The following SLC7A2 variants were observed in gnomAD, a reference collection of about 807,000 sequenced individuals.
SLC7A2 encodes the protein cationic amino acid transporter 2.
A neutral mutation model predicts 58.9 loss-of-function variants in SLC7A2; 48 were observed. That is an observed-to-expected ratio of 0.82 (90% CI 0.65 to 1.04). The LOEUF (loss-of-function observed/expected upper bound fraction) is 1.04. Among genes scored for constraint, SLC7A2 ranks in the 50% least tolerant of loss-of-function variants. The probability of loss-of-function intolerance (pLI) is 0.00; values close to 1 mark genes in which losing one functional copy is unlikely to be tolerated. For missense variants in SLC7A2, 1,029 were observed against 818.8 expected, an observed-to-expected ratio of 1.26 and a Z score of -3.13; for synonymous variants, 363 against 314.5, an observed-to-expected ratio of 1.15 and a Z score of -1.63.
In SLC7A2 at chr8:17,568,413, C is replaced by T. The variant is rs866098196; in HGVS notation, c.*3267C>T. 1 of 151,900 alleles carries T rather than the reference C, an allele frequency of 6.6e-6. No individual in the cohort carries two copies. Among genetic ancestry groups the T allele is most frequent in the African/African-American group, 2.4e-5 (1 of 41,320 alleles). The allele number at this position is 151,900 out of a possible 1,614,324, so 9.4% of individuals were successfully genotyped here. A position where few individuals can be genotyped will look rare whatever the true frequency, so the allele number is the denominator to read the frequency against. Reference sequence around the variant, plus strand: ...TAATCACATTTTCCCCAGAGATAAACATTGAGAGAACGAAAGCCAAAGTGT... The same window carrying T: ...TAATCACATTTTCCCCAGAGATAAATATTGAGAGAACGAAAGCCAAAGTGT... On this transcript the variant is annotated 3_prime_UTR_variant, in exon 13 of 13. Transcript: ENST00000494857.
chr8:17,525,095 C>G (rs1291389983), intron 2 of SLC7A2, among the ~76,000 whole-genome samples: 1 of 152,114 alleles, frequency 6.6e-6, no homozygotes, highest in African/African-American at 2.4e-5. Flanking sequence ...TTAAAAGGAT[C>G]CTTTCAGCCC....
intron 2 of SLC7A2, among the ~76,000 whole-genome samples, chr8:17,505,392 C>A (rs574524441): frequency 6.6e-6 from 1 of 152,264 alleles, no homozygotes; most frequent in East Asian, 1.9e-4. Flanking sequence ...CAAGTTGGGG[C>A]TGAGAACTGG....
chr8:17,547,352 TG>T (rs1177520070), intron 4 of SLC7A2, among the ~76,000 whole-genome samples: 2 of 152,076 alleles, frequency 1.3e-5, no homozygotes, highest in Admixed American at 6.6e-5. Flanking sequence ...ACAGAAAACC[TG>T]CCCCCATGAT....
At position 17,561,959 on chromosome 8, in the gene SLC7A2, G is replaced by A; in HGVS notation, c.1520G>A (p.Gly507Asp). The change falls in exon 11 of 13, where the codon GGC becomes GAC. Residue 507 changes from glycine (G) to aspartate (D), a missense_variant. By Grantham distance (94) the Gly-to-Asp change is moderately conservative. Transcript: ENST00000494857. ...LVGFLAFLVLGLSVLTTYGVH... is the reference protein window; with the variant it reads ...LVGFLAFLVLDLSVLTTYGVH... ...CCCCCTGCAGCTTTCCTCGTGTTGG[G>A]CCTGAGTGTCTTGACCACTTACGGA... 6.2e-7 allele frequency: 1 copy of A among 1,614,070 alleles called. No individual in the cohort carries two copies. Among genetic ancestry groups the A allele is most frequent in the Non-Finnish European group, 8.5e-7 (1 of 1,180,030 alleles).
intron 2 of SLC7A2, among the ~76,000 whole-genome samples, chr8:17,523,029 T>A (rs7015527): frequency 0.15 from 22,961 of 151,930 alleles, 2,004 homozygotes; most frequent in East Asian, 0.3. Flanking sequence ...AGGGAGACCC[T>A]GTATCAAAAA....
At chr8:17,497,051 C>A (rs1328902767), upstream of SLC7A2, 1 of 150,734 alleles carries the variant, frequency 6.6e-6, no homozygotes, top group South Asian at 2.1e-4. Context: ...GCCCCCGCCC[C>A]GGGTGGCTAC....
intron 2 of SLC7A2, among the ~76,000 whole-genome samples, chr8:17,527,420 C>T (rs966632833): frequency 4.6e-5 from 7 of 152,102 alleles, no homozygotes; most frequent in African/African-American, 1.4e-4. Context: ...ATATAGACCT[C>T]GATTTCAAGA....
At chr8:17,525,556 C>T (rs975443945) in intron 2 of SLC7A2, among the ~76,000 whole-genome samples, 1 of 152,154 alleles carries the variant, frequency 6.6e-6, no homozygotes, top group African/African-American at 2.4e-5. Context: ...AGTGGCGAGT[C>T]CTGAGGGAGG....
At chr8:17,545,353 C>G (rs974967052) in intron 4 of SLC7A2, among the ~76,000 whole-genome samples, 3 of 150,482 alleles carry the variant, frequency 2.0e-5, no homozygotes, top group African/African-American at 7.3e-5. Flanking sequence ...ATAGGCATAG[C>G]TAATCCCTGC....
chr8:17,562,180 A>ATTTTTTTTTTTTTTTTTTTTTTTTTTT (rs200130071), intron 11 of SLC7A2, 70 bp downstream of exon 11: 4 of 547,486 alleles, frequency 7.3e-6, no homozygotes, highest in African/African-American at 7.7e-5. Context: ...TTTGGTAAGT[A>ATTTTTTTTTTTTTTTTTTTTTTTTTTT]TTTTTTTTTT....
intron 5 of SLC7A2, among the ~76,000 whole-genome samples, chr8:17,549,647 A>G (rs1237299472): frequency 6.6e-6 from 1 of 152,078 alleles, no homozygotes; most frequent in East Asian, 1.9e-4. Flanking sequence ...TGTTTTTTGG[A>G]GAATGTTGTT....
At chr8:17,527,115 G>T (rs1801251347) in intron 2 of SLC7A2, among the ~76,000 whole-genome samples, 1 of 152,128 alleles carries the variant, frequency 6.6e-6, no homozygotes, top group Non-Finnish European at 1.5e-5. Context: ...AATTTGCAGT[G>T]ATACACAGGT....
At position 17,550,235 on chromosome 8, in the gene SLC7A2, G is replaced by T. The variant is rs567361499; in HGVS notation, c.699-66G>T. 1.5e-5 allele frequency: 22 copies of T among 1,513,410 alleles called. 1 individual carries two copies. In the African/African-American group the frequency reaches 1.8e-4, roughly 12 times the overall value. The allele number at this position is 1,513,410 out of a possible 1,614,324, so 93.7% of individuals were successfully genotyped here. A position where few individuals can be genotyped will look rare whatever the true frequency, so the allele number is the denominator to read the frequency against. ...ACCACCTTCCAAGGATATAGTCTGA[G>T]AAAAGTCACCAGAAGGAGAGTTTTC... is the stretch of plus-strand genomic sequence containing the variant. On this transcript the variant is annotated intron_variant, in intron 5 of 12. Coordinates refer to ENST00000494857, the MANE Select transcript of SLC7A2 (RefSeq NM_001370338.1).
At chr8:17,522,537 T>A (rs1329907607) in intron 2 of SLC7A2, among the ~76,000 whole-genome samples, 4 of 152,144 alleles carry the variant, frequency 2.6e-5, no homozygotes, top group African/African-American at 4.8e-5. Context: ...ATTCTTACTA[T>A]ATTTTATCAC....
chr8:17,521,720 A>G (rs1003443303), intron 2 of SLC7A2, among the ~76,000 whole-genome samples: 2 of 152,230 alleles, frequency 1.3e-5, no homozygotes, highest in African/African-American at 2.4e-5. Flanking sequence ...GCCAAGGAGG[A>G]AATCTCAAGA....
chr8:17,518,068 G>A (rs1405354549), intron 2 of SLC7A2, among the ~76,000 whole-genome samples: 1 of 152,100 alleles, frequency 6.6e-6, no homozygotes, highest in East Asian at 1.9e-4. Context: ...TAATAGGAAA[G>A]CAATGAATCG....
intron 10 of SLC7A2, among the ~76,000 whole-genome samples, 160 bp from the exon 11 acceptor site, chr8:17,561,784 T>A (rs1803000675): frequency 6.6e-6 from 1 of 152,164 alleles, no homozygotes; most frequent in African/African-American, 2.4e-5. Context: ...GACATCTCTC[T>A]CCTCAATGAA....
At chr8:17,542,543 C>T (rs1412573855) in intron 2 of SLC7A2, among the ~76,000 whole-genome samples, 2 of 151,972 alleles carry the variant, frequency 1.3e-5, no homozygotes, top group African/African-American at 2.4e-5. Flanking sequence ...CCCAGCTACT[C>T]AGTAGACTAA....
At chr8:17,545,652 C>A (rs1413993786) in intron 4 of SLC7A2, among the ~76,000 whole-genome samples, 1 of 152,012 alleles carries the variant, frequency 6.6e-6, no homozygotes, top group African/African-American at 2.4e-5. Context: ...CCTGCCTCAG[C>A]CTCCCAAAGT....
Sources: allele counts gnomAD v4.1 joint callset (sites outside exome capture counted in the v4.1 genomes callset), GRCh38; gene constraint gnomAD v4.1.1; transcripts MANE v1.5; gene names NCBI Gene and HGNC (gene_info 2026-07-23, HGNC 2026-07-21).